OTUD7B: variants seen among roughly 807,000 people sequenced by gnomAD.
OTUD7B encodes OTU domain-containing protein 7B.
OTUD7B carries 34 observed loss-of-function variants against 82.2 expected under a neutral mutation model. The ratio of observed to expected loss-of-function variants is 0.41; its 90% CI spans 0.31 to 0.55. The LOEUF (loss-of-function observed/expected upper bound fraction) is 0.55. OTUD7B is among the 20% of genes least tolerant of loss of function. The pLI is 0.20. For synonymous variants in OTUD7B, 398 were observed against 402.7 expected (o/e 0.99, Z 0.14); for missense variants, 944 against 1,062.1 (o/e 0.89, Z 1.55).
At chr1:149,993,965 C>T (rs1651763262) in intron 1 of OTUD7B, among the ~76,000 whole-genome samples, 2 of 152,180 alleles carry the variant, frequency 1.3e-5, no homozygotes, top group Non-Finnish European at 2.9e-5. Context: ...ACCACAATTA[C>T]ATAGGCCAAG....
At chr1:149,986,153 T>C (rs1651119351) in intron 1 of OTUD7B, among the ~76,000 whole-genome samples, 1 of 151,970 alleles carries the variant, frequency 6.6e-6, no homozygotes, top group South Asian at 2.1e-4. Flanking sequence ...GAATCTTGGC[T>C]TGTTCATCCA....
At chr1:150,041,143 AT>A in the OTUD7B span, among the ~76,000 whole-genome samples, 43 of 151,896 alleles carry the variant, frequency 2.8e-4, no homozygotes, top group African/African-American at 8.7e-4. Flanking sequence ...TTCTTCAATA[AT>A]TTTTTTTAAT....
chr1:150,022,696 TACA>T, the OTUD7B span, among the ~76,000 whole-genome samples: 4 of 152,198 alleles, frequency 2.6e-5, no homozygotes, highest in Non-Finnish European at 4.4e-5. Context: ...TGCAAGCCAC[TACA>T]ACAAGTGGAA....
At chr1:150,062,411 T>C in the OTUD7B span, among the ~76,000 whole-genome samples, 668 of 152,368 alleles carry the variant, frequency 4.4e-3, 2 homozygotes, top group Middle Eastern at 0.034. Context: ...TAGATTACCA[T>C]TGAGCATCTC....
In OTUD7B at chr1:149,961,005, C is replaced by T. The variant is rs138374527; in HGVS notation, c.733-1209G>A. On this transcript the variant is annotated intron_variant, in intron 6 of 11. Transcript: ENST00000581312. ...ACAGTGGAACGATCTCAGCTCACTG[C>T]AACCTCCACCTCCCGGGTTCAAGCA... 860 of 138,750 alleles carry T rather than the reference C, an allele frequency of 6.2e-3. 9 individuals are homozygous for T. Among genetic ancestry groups the T allele is most frequent in the African/African-American group, 0.022 (821 of 36,758 alleles). The allele number at this position is 138,750 out of a possible 1,614,324, so 8.6% of individuals were successfully genotyped here.
intron 1 of OTUD7B, among the ~76,000 whole-genome samples, chr1:149,992,442 T>C: frequency 6.7e-6 from 1 of 150,314 alleles, no homozygotes; most frequent in East Asian, 2.0e-4. Flanking sequence ...ATCACAGCTA[T>C]ATCTAAATTG....
chr1:149,977,328 A>G, intron 2 of OTUD7B, 98 bp downstream of exon 2: 1 of 867,768 alleles, frequency 1.2e-6, no homozygotes, highest in South Asian at 1.4e-5. Flanking sequence ...TAACCTACAC[A>G]AAGTATCTTC....
At position 149,941,035 on chromosome 1, in the gene OTUD7B, A is replaced by G. The variant is rs1359667038; in HGVS notation, c.*2822T>C. On this transcript the variant is annotated 3_prime_UTR_variant, in exon 12 of 12. Transcript: ENST00000581312. ...AAATAAAAAAAATAATTTATTTCTT[A>G]ATAAAAAGCTATAAGGCCTAAAGCC... 4 of 152,188 alleles carry G rather than the reference A, an allele frequency of 2.6e-5. No homozygotes were observed. The highest frequency in any genetic ancestry group is 9.7e-5 in the African/African-American group (4 of 41,444). 9.4% of individuals were successfully genotyped at this position (152,188 alleles called of 1,614,324 possible). A position where few individuals can be genotyped will look rare whatever the true frequency, so the allele number is the denominator to read the frequency against.
chr1:149,963,281 A>G (rs781908482), intron 6 of OTUD7B: 3 of 152,198 alleles, frequency 2.0e-5, no homozygotes, highest in Non-Finnish European at 4.4e-5. Flanking sequence ...AAAAAAATAG[A>G]TATACATAAA....
At chr1:150,040,135 A>C in the OTUD7B span, among the ~76,000 whole-genome samples, 3 of 152,244 alleles carry the variant, frequency 2.0e-5, no homozygotes, top group Admixed American at 6.5e-5. Context: ...AAATTAAGGA[A>C]ATTTCCTTTT....
chr1:150,037,897 C>T, the OTUD7B span, among the ~76,000 whole-genome samples: 1 of 151,892 alleles, frequency 6.6e-6, no homozygotes, highest in Non-Finnish European at 1.5e-5. Flanking sequence ...CAGATGGAGT[C>T]CCATTCTGTT....
intron 2 of OTUD7B, among the ~76,000 whole-genome samples, chr1:149,977,088 T>C (rs1553778733): frequency 6.6e-6 from 1 of 151,994 alleles, no homozygotes; most frequent in Non-Finnish European, 1.5e-5. Context: ...GCCACTGCTC[T>C]CCAGCCTGGG....
At chr1:149,990,800 A>G (rs1259468894) in intron 1 of OTUD7B, among the ~76,000 whole-genome samples, 1 of 152,120 alleles carries the variant, frequency 6.6e-6, no homozygotes, top group Non-Finnish European at 1.5e-5. Flanking sequence ...GTTTGCGACC[A>G]GCCTAACATA....
chr1:149,949,004 C>T lies in OTUD7B; in HGVS notation c.1203G>A (p.Trp401Ter). 1 of 1,613,788 alleles carries T rather than the reference C, an allele frequency of 6.2e-7. No individual in the cohort carries two copies. The highest frequency in any genetic ancestry group is 8.5e-7 in the Non-Finnish European group (1 of 1,179,682). The change falls in exon 10 of 12, where the codon TGG (tryptophan) becomes TGA (stop). Residue 401 changes from tryptophan (W) to a stop codon, truncating the protein, a stop_gained. Transcript: ENST00000581312. LOFTEE classifies it high-confidence loss of function. The stretch of plus-strand genomic sequence containing the variant: ...GGACATTGTCACTATCATCTTTGCC[C>T]CACTCCCAGCCCTTTCCAGGGTCCA... ...FAVDPGKGWE[W>*]GKDDSDNVRL...
At chr1:150,017,835 A>G in the OTUD7B span, among the ~76,000 whole-genome samples, 1 of 152,210 alleles carries the variant, frequency 6.6e-6, no homozygotes, top group South Asian at 2.1e-4. Context: ...CTCAACAGGT[A>G]CCACATACTA....
the OTUD7B span, among the ~76,000 whole-genome samples, chr1:150,048,950 C>T: frequency 0.02 from 3,030 of 152,116 alleles, 96 homozygotes; most frequent in African/African-American, 0.066. Context: ...CTCCTGCCTC[C>T]GCCTCCTGAG....
chr1:149,962,324 T>C (rs1443734694), intron 6 of OTUD7B: 1 of 152,166 alleles, frequency 6.6e-6, no homozygotes, highest in East Asian at 1.9e-4. Flanking sequence ...TCAAAACTTA[T>C]TTAGTGTGGT....
intron 1 of OTUD7B, among the ~76,000 whole-genome samples, chr1:149,981,054 A>C: frequency 1.4e-5 from 2 of 139,064 alleles, no homozygotes; most frequent in Non-Finnish European, 3.1e-5. Flanking sequence ...AACCAAACAC[A>C]CAGTTTTTGG....
At chr1:150,018,369 G>C in the OTUD7B span, among the ~76,000 whole-genome samples, 1 of 152,192 alleles carries the variant, frequency 6.6e-6, no homozygotes, top group Non-Finnish European at 1.5e-5. Context: ...CAAGGATGCT[G>C]GACCTGCAAC....
Sources: allele counts gnomAD v4.1 joint callset (sites outside exome capture counted in the v4.1 genomes callset), GRCh38; gene constraint gnomAD v4.1.1; transcripts MANE v1.5; gene names NCBI Gene and HGNC (gene_info 2026-07-23, HGNC 2026-07-21).